CNTN5: variants seen among roughly 807,000 people sequenced by gnomAD.
CNTN5 encodes contactin-5.
CNTN5 carries 77 observed loss-of-function variants against 129.1 expected under a neutral mutation model. That is an observed-to-expected ratio of 0.60 (90% CI 0.50 to 0.72). The LOEUF (loss-of-function observed/expected upper bound fraction) is 0.72, where lower values mean the gene tolerates loss of function less well. Ranked by LOEUF, CNTN5 falls within the 30% of genes least tolerant of loss-of-function variation. The pLI, the probability that CNTN5 is intolerant of heterozygous loss-of-function variation, is 0.00. For synonymous variants in CNTN5, 509 were observed against 465.6 expected, an observed-to-expected ratio of 1.09 and a Z score of -1.20; for missense variants, 1,478 against 1,328.8, an observed-to-expected ratio of 1.11 and a Z score of -1.75.
At chr11:99,512,415 G>A (rs538504013) in intron 2 of CNTN5, among the ~76,000 whole-genome samples, 35 of 152,244 alleles carry the variant, frequency 2.3e-4, no homozygotes, top group Non-Finnish European at 3.8e-4. Flanking sequence ...ACAAGAAATC[G>A]CCTAATGGGG....
chr11:99,723,156 A>G (rs1359702082), intron 3 of CNTN5, among the ~76,000 whole-genome samples: 5 of 152,140 alleles, frequency 3.3e-5, no homozygotes, highest in East Asian at 3.9e-4. Flanking sequence ...ATGACCTGGT[A>G]TATAATTGAT....
chr11:100,333,549 T>C (rs1392629429), intron 21 of CNTN5, among the ~76,000 whole-genome samples: 1 of 151,172 alleles, frequency 6.6e-6, no homozygotes, highest in Non-Finnish European at 1.5e-5. Context: ...TATAAGGCCA[T>C]CATCACCAAA....
At chr11:99,559,756 C>A (rs1037108085) in intron 3 of CNTN5, among the ~76,000 whole-genome samples, 1 of 152,074 alleles carries the variant, frequency 6.6e-6, no homozygotes, top group African/African-American at 2.4e-5. Flanking sequence ...ACCATATAAG[C>A]GTTTACCAGA....
intron 13 of CNTN5, among the ~76,000 whole-genome samples, chr11:100,125,087 A>C (rs1946140580): frequency 1.3e-5 from 2 of 152,056 alleles, no homozygotes; most frequent in Admixed American, 1.3e-4. Flanking sequence ...GGTAAGGATG[A>C]TGTTGCTAAG....
chr11:100,055,284 C>CA (rs1943165553), intron 9 of CNTN5, among the ~76,000 whole-genome samples: 1 of 151,462 alleles, frequency 6.6e-6, no homozygotes, highest in Non-Finnish European at 1.5e-5. Flanking sequence ...CTTATGACTT[C>CA]TTTTTTTTCA....
chr11:99,090,359 C>G (rs1940522), intron 1 of CNTN5, among the ~76,000 whole-genome samples: 72,503 of 151,826 alleles, frequency 0.48, 17,519 homozygotes, highest in Admixed American at 0.55. Context: ...GGCACAGAAG[C>G]AGAAATTGGG....
chr11:99,063,553 C>G (rs910945918), intron 1 of CNTN5, among the ~76,000 whole-genome samples: 2 of 132,744 alleles, frequency 1.5e-5, no homozygotes, highest in African/African-American at 5.7e-5. Context: ...AATAAATAAA[C>G]GCATGAGCAT....
chr11:100,091,424 CTTTTTTTTT>C (rs60075209), intron 13 of CNTN5, among the ~76,000 whole-genome samples: 6 of 114,434 alleles, frequency 5.2e-5, no homozygotes, highest in Non-Finnish European at 5.2e-5. Context: ...TTTATTTATT[CTTTTTTTTT>C]TTTTTTTTTT....
intron 2 of CNTN5, among the ~76,000 whole-genome samples, chr11:99,517,762 A>T (rs1947113735): frequency 6.6e-6 from 1 of 152,088 alleles, no homozygotes; most frequent in African/African-American, 2.4e-5. Context: ...AAGTGAATTG[A>T]CAGCTCTAAC....
chr11:99,140,407 C>T (rs190757227), intron 1 of CNTN5, among the ~76,000 whole-genome samples: 16 of 152,142 alleles, frequency 1.1e-4, no homozygotes, highest in Admixed American at 2.6e-4. Context: ...GGTACAGAAT[C>T]ATATCATCTG....
intron 18 of CNTN5, among the ~76,000 whole-genome samples, chr11:100,276,444 C>T (rs1950512333): frequency 1.4e-5 from 2 of 140,232 alleles, no homozygotes; most frequent in African/African-American, 2.6e-5. Flanking sequence ...ATGACTGAGG[C>T]ATGAGAACCC....
intron 8 of CNTN5, among the ~76,000 whole-genome samples, chr11:99,971,053 G>A (rs1450097308): frequency 6.6e-6 from 1 of 152,152 alleles, no homozygotes; most frequent in Non-Finnish European, 1.5e-5. Context: ...AATAAGCATA[G>A]TTTAGATTTT....
At position 99,102,774 on chromosome 11, in the gene CNTN5, C is replaced by A. The variant is rs1424066000; in HGVS notation, c.-210+81504C>A. 2.6e-5 allele frequency among the ~76,000 whole-genome samples: 4 copies of A among 152,170 alleles called. No homozygotes were observed. In the East Asian group the frequency reaches 7.7e-4, roughly 29 times the overall value. ...TATCACATTTTTCTGTCTTCTGTGC[C>A]CTCCAAACTGTTCCAACCTCTGCCT... On this transcript the variant is annotated intron_variant, in intron 1 of 24. Transcript: ENST00000524871.
intron 2 of CNTN5, among the ~76,000 whole-genome samples, chr11:99,406,116 A>G (rs4754622): frequency 0.75 from 112,880 of 151,242 alleles, 42,915 homozygotes; most frequent in African/African-American, 0.9. Flanking sequence ...CTAGATGTTT[A>G]CCTGTTTCTA....
At chr11:100,058,498 A>C (rs1183629715) in intron 9 of CNTN5, among the ~76,000 whole-genome samples, 1 of 152,132 alleles carries the variant, frequency 6.6e-6, no homozygotes, top group East Asian at 1.9e-4. Context: ...GAATATATGC[A>C]AAAATTCTAG....
chr11:99,967,310 C>T (rs1362580318), intron 8 of CNTN5, among the ~76,000 whole-genome samples: 2 of 152,162 alleles, frequency 1.3e-5, no homozygotes, highest in African/African-American at 4.8e-5. Context: ...CCCTTACTGA[C>T]ATGGTGAAAA....
chr11:99,963,705 G>A (rs142642879), intron 8 of CNTN5, among the ~76,000 whole-genome samples: 4,558 of 152,240 alleles, frequency 0.03, 221 homozygotes, highest in East Asian at 0.22. Context: ...AAAGTAATTA[G>A]TAGCTTGATG....
intron 13 of CNTN5, among the ~76,000 whole-genome samples, chr11:100,158,100 T>A (rs1947318308): frequency 6.6e-6 from 1 of 151,738 alleles, no homozygotes; most frequent in Non-Finnish European, 1.5e-5. Context: ...TGTATTAGAA[T>A]TAGGAAATTT....
At chr11:99,492,265 G>A (rs1946065554) in intron 2 of CNTN5, among the ~76,000 whole-genome samples, 1 of 151,916 alleles carries the variant, frequency 6.6e-6, no homozygotes, top group Non-Finnish European at 1.5e-5. Flanking sequence ...GCTCTCTGGT[G>A]ATCATTATGA....
Sources: allele counts gnomAD v4.1 joint callset (sites outside exome capture counted in the v4.1 genomes callset), GRCh38; gene constraint gnomAD v4.1.1; transcripts MANE v1.5; gene names NCBI Gene and HGNC (gene_info 2026-07-23, HGNC 2026-07-21).